AFAP1L1: variants seen among roughly 807,000 people sequenced by gnomAD.
AFAP1L1 encodes the protein actin filament associated protein 1 like 1.
A neutral mutation model predicts 99.8 loss-of-function variants in AFAP1L1; 77 were observed. The ratio of observed to expected loss-of-function variants is 0.77; its 90% confidence interval spans 0.64 to 0.93. The LOEUF is 0.93. Ranked by LOEUF, AFAP1L1 falls within the 40% of genes least tolerant of loss-of-function variation. The probability of loss-of-function intolerance (pLI) is 0.00; values close to 1 mark genes in which losing one functional copy is unlikely to be tolerated. For missense variants in AFAP1L1, 893 were observed against 996.8 expected (o/e 0.90, Z 1.40); for synonymous variants, 373 against 395.3 (o/e 0.94, Z 0.67).
At chr5:149,292,892 T>G (rs865839752) in intron 1 of AFAP1L1, among the ~76,000 whole-genome samples, 6 of 152,250 alleles carry the variant, frequency 3.9e-5, no homozygotes, top group Non-Finnish European at 2.9e-5. Flanking sequence ...CCAGGATTCC[T>G]GGGTTGCGTT....
intron 9 of AFAP1L1, 39 bp from the exon 10 acceptor site, chr5:149,315,782 T>C (rs1232540011): frequency 6.3e-7 from 1 of 1,578,778 alleles, no homozygotes; most frequent in South Asian, 1.1e-5. Flanking sequence ...TACTTCTGAA[T>C]GTGCCCTCTG....
intron 1 of AFAP1L1, among the ~76,000 whole-genome samples, chr5:149,280,400 C>T (rs1755477877): frequency 6.6e-6 from 1 of 152,138 alleles, no homozygotes; most frequent in South Asian, 2.1e-4. Flanking sequence ...GGCTCAGAAT[C>T]ACCCCCTGTG....
At position 149,315,777 on chromosome 5, in the gene AFAP1L1, C is replaced by T. The variant is rs770976581; in HGVS notation, c.1021-44C>T. The T allele has an allele frequency of 1.9e-6, 3 of 1,571,234 alleles. No individual in the cohort carries two copies. In the South Asian group the frequency reaches 3.3e-5, roughly 18 times the overall value. Reference sequence around the variant, plus strand: ...CCAATAAAGGGAAATTTGGGTACTTCTGAATGTGCCCTCTGATGAGGGACT... The same window carrying T: ...CCAATAAAGGGAAATTTGGGTACTTTTGAATGTGCCCTCTGATGAGGGACT... On this transcript the variant is annotated intron_variant, in intron 9 of 18. Transcript: ENST00000296721.
chr5:149,301,993 C>T (rs1030061277), intron 4 of AFAP1L1, among the ~76,000 whole-genome samples: 8 of 152,376 alleles, frequency 5.3e-5, no homozygotes, highest in East Asian at 1.9e-4. Flanking sequence ...TGTAAAGCCA[C>T]GGTTCCCCTG....
At position 149,321,609 on chromosome 5, in the gene AFAP1L1, G is replaced by A. The variant is rs189043881; in HGVS notation, c.1699-997G>A. Among the ~76,000 whole-genome samples, 159 of 149,764 alleles carry A rather than the reference G, an allele frequency of 1.1e-3. 3 individuals are homozygous for A. The highest frequency in any genetic ancestry group is 3.8e-3 in the African/African-American group (154 of 40,552). On this transcript the variant is annotated intron_variant, in intron 14 of 18. Transcript: ENST00000296721. Reference sequence around the variant, plus strand: ...CCAGGCACAGTGGCATGTGCCTATGGTCCTAGCTACTCGAGAGGCTGAGGC... The same window carrying A: ...CCAGGCACAGTGGCATGTGCCTATGATCCTAGCTACTCGAGAGGCTGAGGC...
rs1167814916 is a variant in AFAP1L1, at chr5:149,343,343, A to AG, written c.*3316dup. On this transcript the variant is annotated 3_prime_UTR_variant, in exon 19 of 19. Coordinates refer to ENST00000296721, the MANE Select transcript of AFAP1L1 (RefSeq NM_152406.4). ...CCCATTCCCTTAAAAAAAAAAATTA[A>AG]GGGACTATCCAGTAACTAAGCTGGC... Among the ~76,000 whole-genome samples, 2 of 152,120 alleles carry AG rather than the reference A, an allele frequency of 1.3e-5. No individual in the cohort carries two copies. Among genetic ancestry groups the AG allele is most frequent in the African/African-American group, 4.8e-5 (2 of 41,436 alleles).
At chr5:149,283,617 G>A (rs1458583641) in intron 1 of AFAP1L1, among the ~76,000 whole-genome samples, 1 of 151,688 alleles carries the variant, frequency 6.6e-6, no homozygotes, top group Non-Finnish European at 1.5e-5. Flanking sequence ...CAAATCAGTG[G>A]CATCTTAGAA....
chr5:149,339,717 T>C (rs922930067), intron 18 of AFAP1L1, among the ~76,000 whole-genome samples: 2 of 152,186 alleles, frequency 1.3e-5, no homozygotes, highest in Admixed American at 1.3e-4. Flanking sequence ...TGTTCTAACA[T>C]AATGGATCTT....
chr5:149,292,251 A>G (rs1621136), intron 1 of AFAP1L1, among the ~76,000 whole-genome samples: 130,958 of 152,220 alleles, frequency 0.86, 56,651 homozygotes, highest in Non-Finnish European at 0.91. Context: ...TTATGAACTC[A>G]TTATCTTTGC....
At chr5:149,328,449 C>A (rs1184646546) in intron 15 of AFAP1L1, among the ~76,000 whole-genome samples, 1 of 152,142 alleles carries the variant, frequency 6.6e-6, no homozygotes, top group African/African-American at 2.4e-5. Context: ...GCTCTGCCAC[C>A]ATTAGCAGTG....
At chr5:149,339,294 A>G (rs1327031092) in intron 18 of AFAP1L1, among the ~76,000 whole-genome samples, 16 of 151,498 alleles carry the variant, frequency 1.1e-4, no homozygotes, top group Non-Finnish European at 1.5e-5. Context: ...GGTTCAAGCA[A>G]TTCTCCTGCC....
chr5:149,329,751 GAA>G lies in AFAP1L1; in HGVS notation c.1898_1899del (p.Lys633ArgfsTer52). 1 of 1,614,098 alleles carries G rather than the reference GAA, an allele frequency of 6.2e-7. No homozygotes were observed. Among genetic ancestry groups the G allele is most frequent in the Non-Finnish European group, 8.5e-7 (1 of 1,179,990 alleles). ...LVEKEKLEKE[K>X]ETIRTELIAL... Reference sequence around the variant, plus strand: ...TAGAAAAAGAGAAGCTGGAGAAAGAGAAAGAGACGATTCGGACAGAGCTGATA... The same window carrying G: ...TAGAAAAAGAGAAGCTGGAGAAAGAGAGAGACGATTCGGACAGAGCTGATA... On this transcript the variant is annotated frameshift_variant, in exon 16 of 19. Coordinates refer to ENST00000296721, the MANE Select transcript of AFAP1L1 (RefSeq NM_152406.4). LOFTEE classifies it high-confidence loss of function.
intron 1 of AFAP1L1, among the ~76,000 whole-genome samples, chr5:149,273,598 G>A (rs954112854): frequency 2.0e-5 from 3 of 152,046 alleles, no homozygotes; most frequent in Admixed American, 6.5e-5. Flanking sequence ...TAGCAACTGA[G>A]GCCTAGATTT....
chr5:149,292,910 C>G (rs1370352900), intron 1 of AFAP1L1, among the ~76,000 whole-genome samples: 2 of 152,192 alleles, frequency 1.3e-5, no homozygotes, highest in Non-Finnish European at 2.9e-5. Context: ...GTTACTACCC[C>G]TCTGTCTAGA....
intron 17 of AFAP1L1, 113 bp from the exon 18 acceptor site, chr5:149,335,481 C>A: frequency 7.3e-7 from 1 of 1,366,054 alleles, no homozygotes; most frequent in Non-Finnish European, 9.8e-7. Flanking sequence ...GAGACTCTGT[C>A]TCAAAAATAA....
rs555253394 is a variant in AFAP1L1 at position 149,296,111 on chromosome 5, G to A, written c.17-3398G>A. 1.3e-4 allele frequency among the ~76,000 whole-genome samples: 20 copies of A among 152,208 alleles called. No individual in the cohort carries two copies. In the East Asian group the frequency reaches 3.7e-3, roughly 28 times the overall value. On this transcript the variant is annotated intron_variant, in intron 1 of 18. Transcript: ENST00000296721. Reference sequence around the variant, plus strand: ...TGCAGTGGCACAGTCACGACTCACTGCAACCTCCTCCTTCCAGGATCAAGC... The same window carrying A: ...TGCAGTGGCACAGTCACGACTCACTACAACCTCCTCCTTCCAGGATCAAGC...
chr5:149,279,129 G>A (rs1755435407), intron 1 of AFAP1L1, among the ~76,000 whole-genome samples: 1 of 152,194 alleles, frequency 6.6e-6, no homozygotes, highest in Admixed American at 6.5e-5. Context: ...AGGAAATGGG[G>A]GTGTTTGTGA....
At position 149,273,331 on chromosome 5, in the gene AFAP1L1, AAAG is replaced by A. The variant is rs1755196792; in HGVS notation, c.16+1351_16+1353del. 2.6e-5 allele frequency among the ~76,000 whole-genome samples: 4 copies of A among 151,776 alleles called. No individual in the cohort carries two copies. In the South Asian group the frequency reaches 8.3e-4, roughly 32 times the overall value. On this transcript the variant is annotated intron_variant, in intron 1 of 18. Transcript: ENST00000296721. ...TGCTGAGCCCCCGAAGGGAGGAAAA[AAAG>A]AAGGGAACAGGGGCATGGGAGCAAT...
intron 1 of AFAP1L1, among the ~76,000 whole-genome samples, chr5:149,281,255 T>C (rs1429749157): frequency 6.6e-6 from 1 of 152,202 alleles, no homozygotes; most frequent in Admixed American, 6.5e-5. Context: ...TGAGTTTCTT[T>C]TCTGTCGCAT....
Sources: gnomAD v4.1 joint callset for allele counts (sites outside exome capture counted in the v4.1 genomes callset) on GRCh38, gnomAD v4.1.1 for gene constraint, MANE v1.5 for transcripts, NCBI Gene and HGNC (gene_info 2026-07-23, HGNC 2026-07-21) for gene names.